The following DOCK3 variants were observed in gnomAD, a reference collection of about 807,000 sequenced individuals.
DOCK3 encodes dedicator of cytokinesis 3.
Under a neutral mutation model 265.6 loss-of-function variants are expected in DOCK3, and 60 were observed. The observed-to-expected ratio is 0.23, with a 90% CI of 0.18 to 0.28. The LOEUF (loss-of-function observed/expected upper bound fraction) is 0.28. DOCK3 is among the 10% of genes least tolerant of loss of function. The pLI, the probability that DOCK3 is intolerant of heterozygous loss-of-function variation, is 1.00. For missense variants in DOCK3, 1,981 were observed against 2,594.3 expected (o/e 0.76, Z 5.14); for synonymous variants, 881 against 938.0 (o/e 0.94, Z 1.11).
chr3:50,876,330 T>C (rs759548550), intron 3 of DOCK3, among the ~76,000 whole-genome samples: 17 of 152,146 alleles, frequency 1.1e-4, no homozygotes, highest in Non-Finnish European at 1.9e-4. Context: ...CTTTCTTGCC[T>C]AATAAAGGAA....
At chr3:50,833,081 C>T (rs2045288359) in intron 2 of DOCK3, among the ~76,000 whole-genome samples, 1 of 152,034 alleles carries the variant, frequency 6.6e-6, no homozygotes, top group Non-Finnish European at 1.5e-5. Flanking sequence ...TTGTTGGAAC[C>T]AAGCTGATAT....
rs919404828 is a variant in DOCK3, at chr3:51,160,948, T to C, written c.1037+246T>C. Reference sequence around the variant, plus strand: ...AAAATTAGCCAGGCGTGGTGGCACGTGCCTGTAATCCCAGCTACTCAGGAG... The same window carrying C: ...AAAATTAGCCAGGCGTGGTGGCACGCGCCTGTAATCCCAGCTACTCAGGAG... On this transcript the variant is annotated intron_variant, in intron 12 of 52. Transcript: ENST00000266037. Among the ~76,000 whole-genome samples, 6 of 152,000 alleles carry C rather than the reference T, an allele frequency of 3.9e-5. No individual in the cohort carries two copies. The East Asian group carries it at 1.2e-3, about 30-fold the overall frequency.
chr3:51,114,239 T>C (rs1229575964), intron 9 of DOCK3, among the ~76,000 whole-genome samples: 2 of 152,174 alleles, frequency 1.3e-5, no homozygotes, highest in Non-Finnish European at 2.9e-5. Context: ...AGGGGGAATA[T>C]TTTAGATAAA....
rs369017077 is a variant in DOCK3, at chr3:50,702,958, G to T, written c.37+27658G>T. On this transcript the variant is annotated intron_variant, in intron 1 of 52. Transcript: ENST00000266037. ...AAAGCTTTCAACTTTTCCCCATTCC[G>T]TATGGTGTCAGCTGTGGGTTTGTCA... Among the ~76,000 whole-genome samples, 77 of 152,210 alleles carry T rather than the reference G, an allele frequency of 5.1e-4. 1 individual carries two copies. In the South Asian group the frequency reaches 0.016, roughly 31 times the overall value.
chr3:51,270,102 A>G (rs995113362), intron 23 of DOCK3, among the ~76,000 whole-genome samples: 1 of 152,214 alleles, frequency 6.6e-6, no homozygotes, highest in Non-Finnish European at 1.5e-5. Context: ...ATCCTAGAAG[A>G]AAAGCCTAAC....
At chr3:50,806,470 C>T (rs2043424137) in intron 2 of DOCK3, among the ~76,000 whole-genome samples, 1 of 151,192 alleles carries the variant, frequency 6.6e-6, no homozygotes, top group Admixed American at 6.6e-5. Context: ...AGGCCACTGG[C>T]CCCAGGGAAT....
At chr3:51,324,344 C>A (rs2083943878) in intron 32 of DOCK3, among the ~76,000 whole-genome samples, 1 of 152,064 alleles carries the variant, frequency 6.6e-6, no homozygotes, top group East Asian at 1.9e-4. Flanking sequence ...GAATAAAATA[C>A]CTAGGAATAC....
At chr3:50,985,839 A>G (rs1488026664) in intron 5 of DOCK3, among the ~76,000 whole-genome samples, 5 of 151,594 alleles carry the variant, frequency 3.3e-5, no homozygotes, top group African/African-American at 1.2e-4. Context: ...TAAATTAATT[A>G]AATTAAATAA....
intron 1 of DOCK3, among the ~76,000 whole-genome samples, chr3:50,743,363 T>C (rs2039201553): frequency 6.6e-6 from 1 of 151,920 alleles, no homozygotes; most frequent in South Asian, 2.1e-4. Flanking sequence ...TAAATGTAAA[T>C]GGACTAAAAG....
intron 5 of DOCK3, among the ~76,000 whole-genome samples, chr3:51,004,057 C>A (rs1412978936): frequency 6.6e-6 from 1 of 152,078 alleles, no homozygotes; most frequent in African/African-American, 2.4e-5. Flanking sequence ...CCATGAAATA[C>A]CCTCCACTTG....
intron 2 of DOCK3, among the ~76,000 whole-genome samples, chr3:50,794,810 T>A (rs184800144): frequency 1.6e-3 from 248 of 152,310 alleles, no homozygotes; most frequent in African/African-American, 5.8e-3. Context: ...GTTTGTGTGG[T>A]TGCTTTATAG....
intron 5 of DOCK3, among the ~76,000 whole-genome samples, chr3:50,964,967 A>G (rs950022219): frequency 1.3e-5 from 2 of 152,152 alleles, no homozygotes; most frequent in African/African-American, 4.8e-5. Flanking sequence ...CCACTGAATT[A>G]TCTTTAGAAA....
At chr3:51,125,423 A>G (rs1306039084) in intron 9 of DOCK3, among the ~76,000 whole-genome samples, 1 of 152,058 alleles carries the variant, frequency 6.6e-6, no homozygotes, top group African/African-American at 2.4e-5. Context: ...TAAACAGCCT[A>G]TATTTTTCTA....
At chr3:50,955,223 C>T (rs994912825) in intron 5 of DOCK3, among the ~76,000 whole-genome samples, 1 of 152,166 alleles carries the variant, frequency 6.6e-6, no homozygotes, top group Non-Finnish European at 1.5e-5. Context: ...AGAACACTTA[C>T]ACACTGTTGG....
chr3:50,723,185 A>C (rs2037583762), intron 1 of DOCK3, among the ~76,000 whole-genome samples: 1 of 152,194 alleles, frequency 6.6e-6, no homozygotes, highest in Non-Finnish European at 1.5e-5. Context: ...AGGACATAGC[A>C]GCAGGAAAAT....
chr3:50,811,480 A>T (rs2043752651), intron 2 of DOCK3, among the ~76,000 whole-genome samples: 3 of 152,160 alleles, frequency 2.0e-5, no homozygotes, highest in Admixed American at 2.0e-4. Flanking sequence ...TCATTCATGG[A>T]ATAGCAAGTT....
chr3:50,820,492 A>G (rs1289762771), intron 2 of DOCK3, among the ~76,000 whole-genome samples: 1 of 152,260 alleles, frequency 6.6e-6, no homozygotes, highest in Non-Finnish European at 1.5e-5. Context: ...GTTGCTACAA[A>G]GGACGTGATT....
At chr3:51,210,935 T>C (rs990581081) in intron 13 of DOCK3, among the ~76,000 whole-genome samples, 11 of 152,256 alleles carry the variant, frequency 7.2e-5, no homozygotes, top group African/African-American at 2.7e-4. Context: ...TTAATAGATG[T>C]GGCTCTTCAT....
At chr3:50,921,059 T>C (rs1043117370) in intron 4 of DOCK3, among the ~76,000 whole-genome samples, 15 of 152,222 alleles carry the variant, frequency 9.9e-5, no homozygotes, top group Non-Finnish European at 1.5e-4. Context: ...TTGAGCAGTT[T>C]AGAGTGAGTT....
Sources: gnomAD v4.1 joint callset for allele counts (sites outside exome capture counted in the v4.1 genomes callset) on GRCh38, gnomAD v4.1.1 for gene constraint, MANE v1.5 for transcripts, NCBI Gene and HGNC (gene_info 2026-07-23, HGNC 2026-07-21) for gene names.